Variants in FAM161A observed in about 807,000 individuals in gnomAD.
FAM161A encodes protein FAM161A.
FAM161A carries 57 observed loss-of-function variants against 70.9 expected under a neutral mutation model. That is an observed-to-expected ratio of 0.80 (90% confidence interval 0.65 to 1.00). FAM161A has a LOEUF of 1.00. Among genes scored for constraint, FAM161A ranks in the 50% least tolerant of loss-of-function variants. FAM161A has a pLI of 0.00. For missense variants in FAM161A, 880 were observed against 836.0 expected, an observed-to-expected ratio of 1.05 and a Z score of -0.65; for synonymous variants, 299 against 295.7, an observed-to-expected ratio of 1.01 and a Z score of -0.12.
chr2:61,832,087 A>C (rs1672595192), intron 5 of FAM161A, among the ~76,000 whole-genome samples: 1 of 152,028 alleles, frequency 6.6e-6, no homozygotes, highest in South Asian at 2.1e-4. Context: ...TTTACAAAAA[A>C]TACAAAAATT....
chr2:61,806,985 C>G, the FAM161A span, among the ~76,000 whole-genome samples: 1 of 152,100 alleles, frequency 6.6e-6, no homozygotes, highest in Non-Finnish European at 1.5e-5. Context: ...AGCCACCACA[C>G]CCAGCTCAAC....
Position 61,839,636 on chromosome 2 carries a change from T to G in FAM161A, c.1368A>C (p.Pro456=). 6.2e-7 allele frequency: 1 copy of G among 1,614,248 alleles called. No homozygotes were observed. Among genetic ancestry groups the G allele is most frequent in the Non-Finnish European group, 8.5e-7 (1 of 1,180,046 alleles). ...CATGTGGAGATGCATGAAGATCAAA[T>G]GGTTTACACACTGTTAAGAGTTTTG... ...KSPKLLTVCK[P]FDLHASPHAS... The change falls in exon 3 of 7, where the codon CCA becomes CCC. Residue 456 remains proline (P), a synonymous_variant. Transcript: ENST00000404929.
Position 61,842,286 on chromosome 2 carries a change from A to G in FAM161A, c.258T>C (p.Pro86=). The part of the protein sequence containing the change: ...PISYEDFVNF[P]DIHHSNEEYF... ...ACTCCTCATTAGAGTGGTGAATATC[A>G]GGAAAGTTCACAAAGTCCTCATAGC... The change falls in exon 2 of 7, where the codon CCT becomes CCC. Residue 86 remains proline (P), a synonymous_variant. Transcript: ENST00000404929. The G allele has an allele frequency of 6.2e-7, 1 of 1,611,906 alleles. No homozygotes were observed. The highest frequency in any genetic ancestry group is 8.5e-7 in the Non-Finnish European group (1 of 1,178,656).
At chr2:61,826,663 C>A (rs1384097584) in intron 6 of FAM161A, 64 bp from the exon 7 acceptor site, 14 of 1,409,722 alleles carry the variant, frequency 9.9e-6, no homozygotes, top group African/African-American at 1.4e-5. Flanking sequence ...TAAACAAACC[C>A]TCTGCAAGTA....
intron 3 of FAM161A, 149 bp from the exon 4 acceptor site, chr2:61,838,854 ATATTTATTTATTTATT>A (rs10645430): frequency 2.6e-5 from 4 of 151,136 alleles, no homozygotes; most frequent in Non-Finnish European, 3.8e-5. Context: ...AAAACTAGAA[ATATTTATTTATTTATT>A]TATTTATTTA....
chr2:61,805,352 C>T, the FAM161A span, among the ~76,000 whole-genome samples: 3 of 152,268 alleles, frequency 2.0e-5, no homozygotes, highest in East Asian at 5.8e-4. Flanking sequence ...CCCGTGTCTA[C>T]TAAAAATACA....
At chr2:61,804,804 AAG>A in the FAM161A span, among the ~76,000 whole-genome samples, 1 of 150,260 alleles carries the variant, frequency 6.7e-6, no homozygotes, top group South Asian at 2.1e-4. Flanking sequence ...GAAAGAAAGA[AAG>A]AAAGAAAGAA....
At chr2:61,820,436 AT>A (rs1327563532), downstream of FAM161A, 1 of 756,716 alleles carries the variant, frequency 1.3e-6, no homozygotes, top group African/African-American at 1.7e-5. Context: ...CACAAGGTGG[AT>A]GGGAGAGCTG....
chr2:61,848,906 ATT>A (rs1362409125), intron 1 of FAM161A, among the ~76,000 whole-genome samples: 1 of 1,696 alleles, frequency 5.9e-4, no homozygotes, highest in African/African-American at 2.4e-3. Context: ...TTATATATAT[ATT>A]TATATATTTA....
downstream of FAM161A, chr2:61,824,743 C>T: frequency 3.4e-6 from 1 of 292,340 alleles, no homozygotes; most frequent in Non-Finnish European, 6.6e-6. Context: ...AGTACTATTA[C>T]AATTTGTAGA....
rs3736598 is a variant in FAM161A, at chr2:61,825,245, A to C, written c.*1210T>G. The stretch of plus-strand genomic sequence containing the variant: ...TAAAGAAAAAAATATAGATTTATAA[A>C]ATCAGATTAACACTGTACACAGAGA... On this transcript the variant is annotated 3_prime_UTR_variant, in exon 7 of 7. Coordinates refer to ENST00000404929, the MANE Select transcript of FAM161A (RefSeq NM_001201543.2). 2.2e-6 allele frequency: 1 copy of C among 444,736 alleles called. No homozygotes were observed. The highest frequency in any genetic ancestry group is 4.5e-6 in the Non-Finnish European group (1 of 224,596). 27.5% of individuals were successfully genotyped at this position (444,736 alleles called of 1,614,324 possible).
chr2:61,848,809 T>C (rs1273957686), intron 1 of FAM161A, among the ~76,000 whole-genome samples: 1 of 22,262 alleles, frequency 4.5e-5, no homozygotes, highest in African/African-American at 1.3e-4. Flanking sequence ...TGTCTATATA[T>C]ATATTTATAT....
In FAM161A at chr2:61,840,461, T is replaced by C. The variant is rs2105083664; in HGVS notation, c.543A>G (p.Leu181=). The change falls in exon 3 of 7, where the codon CTA becomes CTG. Residue 181 remains leucine, a synonymous_variant. Coordinates refer to ENST00000404929, the MANE Select transcript of FAM161A (RefSeq NM_001201543.2). The part of the protein sequence containing the change: ...VSSSEEELPN[L]EKEYPRKNRM... ...TGTTTTTCCTAGGATACTCTTTTTC[T>C]AGGTTGGGTAACTCCTCTTCAGAGG... is the stretch of plus-strand genomic sequence containing the variant. 3 of 1,614,072 alleles carry C rather than the reference T, an allele frequency of 1.9e-6. No individual in the cohort carries two copies. The highest frequency in any genetic ancestry group is 2.5e-6 in the Non-Finnish European group (3 of 1,179,996).
Position 61,827,276 on chromosome 2 carries a change from C to T in FAM161A, c.1852-18G>A. 6.2e-7 allele frequency: 1 copy of T among 1,611,096 alleles called. No homozygotes were observed. Among genetic ancestry groups the T allele is most frequent in the African/African-American group, 1.3e-5 (1 of 74,972 alleles). On this transcript the variant is annotated intron_variant, in intron 5 of 6. Coordinates refer to ENST00000404929, the MANE Select transcript of FAM161A (RefSeq NM_001201543.2). Reference sequence around the variant, plus strand: ...GCATTTTTCTATAGGAAAGACAAACCTTTTTAGACGAGAACAGAAGACTTT... The same window carrying T: ...GCATTTTTCTATAGGAAAGACAAACTTTTTTAGACGAGAACAGAAGACTTT...
At chr2:61,803,293 G>A in the FAM161A span, 2 of 630,742 alleles carry the variant, frequency 3.2e-6, no homozygotes, top group Admixed American at 2.0e-5. Flanking sequence ...CATGATTTAT[G>A]ATTCCTTGGA....
rs146650326 is a variant in FAM161A at position 61,842,391 on chromosome 2, G to T, written c.184-31C>A. The T allele has an allele frequency of 1.3e-3, 1,839 of 1,372,012 alleles. 17 individuals are homozygous for T. In the African/African-American group the frequency reaches 0.022, roughly 16 times the overall value. 85.0% of individuals were successfully genotyped at this position (1,372,012 alleles called of 1,614,324 possible). The stretch of plus-strand genomic sequence containing the variant: ...GGGGAGAAAACACTTGATATATAGT[G>T]ACTGGAGCTGAAAGACAAATTAAGC... On this transcript the variant is annotated intron_variant, in intron 1 of 6. Coordinates refer to ENST00000404929, the MANE Select transcript of FAM161A (RefSeq NM_001201543.2).
chr2:61,813,410 T>C, the FAM161A span, among the ~76,000 whole-genome samples: 1 of 151,022 alleles, frequency 6.6e-6, no homozygotes, highest in African/African-American at 2.4e-5. Flanking sequence ...TAGCCAGGCA[T>C]GGTGATGCAC....
the FAM161A span, among the ~76,000 whole-genome samples, chr2:61,812,797 CG>C: frequency 6.7e-6 from 1 of 148,732 alleles, no homozygotes; most frequent in East Asian, 2.0e-4. Context: ...TGGCCGGGCG[CG>C]GTGGCTCACA....
intron 1 of FAM161A, among the ~76,000 whole-genome samples, chr2:61,848,890 A>T (rs193292249): frequency 4.3e-4 from 4 of 9,296 alleles, no homozygotes; most frequent in South Asian, 4.8e-3. Context: ...ATATATTTAT[A>T]TATATTTATA....
Sources: allele counts gnomAD v4.1 joint callset (sites outside exome capture counted in the v4.1 genomes callset), GRCh38; gene constraint gnomAD v4.1.1; transcripts MANE v1.5; gene names NCBI Gene and HGNC (gene_info 2026-07-23, HGNC 2026-07-21).